SPMAP2L: variants seen among roughly 807,000 people sequenced by gnomAD.
The protein encoded by SPMAP2L is sperm microtubule associated protein 2-like.
chr4:56,599,796 T>G, the SPMAP2L span, among the ~76,000 whole-genome samples: 1,648 of 152,338 alleles, frequency 0.011, 27 homozygotes, highest in African/African-American at 0.037. Flanking sequence ...CTTTATCCAG[T>G]CTATCATTGA....
chr4:56,589,271 G>A, the SPMAP2L span, among the ~76,000 whole-genome samples: 1 of 152,158 alleles, frequency 6.6e-6, no homozygotes, highest in African/African-American at 2.4e-5. Context: ...TTACAGGTGT[G>A]AGCCACTGCA....
At chr4:56,585,435 C>T in the SPMAP2L span, among the ~76,000 whole-genome samples, 2 of 152,196 alleles carry the variant, frequency 1.3e-5, no homozygotes, top group African/African-American at 4.8e-5. Context: ...CAGCTTTGAC[C>T]TCCCAGGCTC....
chr4:56,572,971 G>A, the SPMAP2L span, among the ~76,000 whole-genome samples: 16 of 149,722 alleles, frequency 1.1e-4, 1 homozygote, highest in Middle Eastern at 7.0e-3. Flanking sequence ...AGCTGAGATC[G>A]CACCACTGCA....
At chr4:56,590,984 C>A in the SPMAP2L span, among the ~76,000 whole-genome samples, 2 of 152,228 alleles carry the variant, frequency 1.3e-5, no homozygotes, top group African/African-American at 4.8e-5. Flanking sequence ...TCTCACAATA[C>A]CTTGGTTTCT....
At chr4:56,568,588 A>T in the SPMAP2L span, among the ~76,000 whole-genome samples, 1 of 152,192 alleles carries the variant, frequency 6.6e-6, no homozygotes. Flanking sequence ...CCACTTTGGG[A>T]CGCTGAAGTG....
chr4:56,621,826 G>T, the SPMAP2L span, among the ~76,000 whole-genome samples: 1,508 of 152,302 alleles, frequency 9.9e-3, 19 homozygotes, highest in Non-Finnish European at 0.012. Flanking sequence ...GCCAGGGCTG[G>T]AAAAGGAAAG....
At chr4:56,567,151 G>A in the SPMAP2L span, among the ~76,000 whole-genome samples, 11 of 152,098 alleles carry the variant, frequency 7.2e-5, no homozygotes, top group South Asian at 6.2e-4. Flanking sequence ...AAGAAAAAGC[G>A]TTTTATATTT....
the SPMAP2L span, among the ~76,000 whole-genome samples, chr4:56,600,221 T>C: frequency 1.3e-5 from 2 of 150,208 alleles, no homozygotes; most frequent in Admixed American, 1.3e-4. Flanking sequence ...CTGGGACTGA[T>C]TACAGGCACA....
chr4:56,572,119 T>A, the SPMAP2L span, among the ~76,000 whole-genome samples: 2 of 152,198 alleles, frequency 1.3e-5, no homozygotes, highest in African/African-American at 4.8e-5. Flanking sequence ...AGTAAATACA[T>A]AAACCAGTAG....
the SPMAP2L span, among the ~76,000 whole-genome samples, chr4:56,624,164 G>C: frequency 1.3e-5 from 2 of 152,220 alleles, no homozygotes; most frequent in African/African-American, 2.4e-5. Context: ...TTAGCAAAGA[G>C]ACTGGCAGCA....
the SPMAP2L span, among the ~76,000 whole-genome samples, chr4:56,556,974 T>C: frequency 6.6e-6 from 1 of 151,304 alleles, no homozygotes; most frequent in Non-Finnish European, 1.5e-5. Context: ...AGAGGCCGGG[T>C]GTGGTGGCTC....
the SPMAP2L span, among the ~76,000 whole-genome samples, chr4:56,574,411 C>T: frequency 6.6e-5 from 10 of 152,020 alleles, no homozygotes; most frequent in East Asian, 7.8e-4. Flanking sequence ...AGAGCAAGAT[C>T]GTGCTTCTAA....
At chr4:56,535,126 G>T in the SPMAP2L span, among the ~76,000 whole-genome samples, 1 of 152,104 alleles carries the variant, frequency 6.6e-6, no homozygotes, top group South Asian at 2.1e-4. Flanking sequence ...CAGACTTTAA[G>T]CCATTAGCAA....
chr4:56,541,405 C>T, the SPMAP2L span, among the ~76,000 whole-genome samples: 1,205 of 152,140 alleles, frequency 7.9e-3, 17 homozygotes, highest in African/African-American at 0.028. Context: ...TTAATTTTTT[C>T]ACTTGCATAT....
At chr4:56,564,732 C>G in the SPMAP2L span, among the ~76,000 whole-genome samples, 1 of 151,916 alleles carries the variant, frequency 6.6e-6, no homozygotes, top group Non-Finnish European at 1.5e-5. Context: ...TTTTCTTTTT[C>G]TAGTTTCTTA....
At chr4:56,561,788 C>G in the SPMAP2L span, among the ~76,000 whole-genome samples, 145,153 of 152,236 alleles carry the variant, frequency 0.95, 69,288 homozygotes, top group Middle Eastern at 0.97. Flanking sequence ...GCAGTGGCGC[C>G]ATCTTGGCTC....
At chr4:56,589,291 T>C in the SPMAP2L span, among the ~76,000 whole-genome samples, 1 of 152,182 alleles carries the variant, frequency 6.6e-6, no homozygotes, top group Non-Finnish European at 1.5e-5. Context: ...ACCCAGCGTA[T>C]GTGCCTATTT....
chr4:56,593,864 G>A, the SPMAP2L span: 1 of 1,611,324 alleles, frequency 6.2e-7, no homozygotes. Flanking sequence ...TGGTTCCCAT[G>A]GGCTGGAGCA....
chr4:56,575,932 G>A, the SPMAP2L span, among the ~76,000 whole-genome samples: 1 of 152,186 alleles, frequency 6.6e-6, no homozygotes, highest in Non-Finnish European at 1.5e-5. Flanking sequence ...TTTGCAATTT[G>A]TGGAATTTGT....
Sources: gnomAD v4.1 joint callset for allele counts (sites outside exome capture counted in the v4.1 genomes callset) on GRCh38, gnomAD v4.1.1 for gene constraint, MANE v1.5 for transcripts, NCBI Gene and HGNC (gene_info 2026-07-23, HGNC 2026-07-21) for gene names.